Variants in SLC25A18 observed in about 807,000 individuals in gnomAD.
SLC25A18 encodes mitochondrial glutamate carrier 2.
Under a neutral mutation model 31.1 loss-of-function variants are expected in SLC25A18, and 24 were observed. The ratio of observed to expected loss-of-function variants is 0.77; its 90% confidence interval spans 0.56 to 1.08. The LOEUF (loss-of-function observed/expected upper bound fraction) is 1.08. Among genes scored for constraint, SLC25A18 ranks in the 50% least tolerant of loss-of-function variants. SLC25A18 has a pLI of 0.00. For missense variants in SLC25A18, 371 were observed against 418.5 expected (o/e 0.89, Z 0.99); for synonymous variants, 173 against 161.9 (o/e 1.07, Z -0.52).
In SLC25A18 at chr22:17,581,196, C is replaced by G. The variant is rs769103848; in HGVS notation, c.143+37C>G. ...CAGGCGAGCGTGGAGGGCAGAGGCGCCCGGGGGAGGGATGGGGCCCCCTTC... is the reference window on the plus strand; with the variant it reads ...CAGGCGAGCGTGGAGGGCAGAGGCGGCCGGGGGAGGGATGGGGCCCCCTTC... On this transcript the variant is annotated intron_variant, in intron 4 of 10. Transcript: ENST00000327451. The G allele has an allele frequency of 5.1e-6, 8 of 1,571,936 alleles. No individual in the cohort carries two copies. In the Admixed American group the frequency reaches 9.0e-5, roughly 18 times the overall value.
chr22:17,573,667 C>G (rs1024645501), intron 2 of SLC25A18, among the ~76,000 whole-genome samples: 1 of 152,138 alleles, frequency 6.6e-6, no homozygotes. Context: ...TCCTTCCCTG[C>G]AGGCAGCTTC....
chr22:17,583,675 G>C lies in SLC25A18; in HGVS notation c.409+141G>C. ...GTAGAAGTTTTTGGCCAGGCATGGT[G>C]GCTCATGCCTGTAATCCCAGCACTT... On this transcript the variant is annotated intron_variant, in intron 7 of 10. Coordinates refer to ENST00000327451, the MANE Select transcript of SLC25A18 (RefSeq NM_031481.3). 1.3e-5 allele frequency: 15 copies of C among 1,151,686 alleles called. No individual in the cohort carries two copies. The South Asian group carries it at 2.3e-4, about 18-fold the overall frequency. 71.3% of individuals were successfully genotyped at this position (1,151,686 alleles called of 1,614,324 possible).
In SLC25A18 at chr22:17,581,411, G is replaced by C; in HGVS notation, c.197G>C (p.Arg66Pro). The C allele has an allele frequency of 6.2e-7, 1 of 1,614,044 alleles. No individual in the cohort carries two copies. The highest frequency in any genetic ancestry group is 8.5e-7 in the Non-Finnish European group (1 of 1,179,994). ...GCGGAGGGCTTCTTCGGCATGTACC[G>C]AGGTGGGCTTCTCAGGTCCCCTGGG... ...ARAEGFFGMYRGAAVNLTLVT... is the reference protein window; with the variant it reads ...ARAEGFFGMYPGAAVNLTLVT... The change falls in exon 5 of 11, where the codon CGA (arginine) becomes CCA (proline). Residue 66 changes from arginine (R) to proline (P), a missense_variant and splice_region_variant. Physicochemically the swap from Arg to Pro is moderately radical, Grantham distance 103. Coordinates refer to ENST00000327451, the MANE Select transcript of SLC25A18 (RefSeq NM_031481.3).
chr22:17,570,775 C>T (rs554394956), intron 2 of SLC25A18, among the ~76,000 whole-genome samples: 3 of 152,256 alleles, frequency 2.0e-5, no homozygotes, highest in Non-Finnish European at 2.9e-5. Flanking sequence ...CGTGAGCCAC[C>T]GTGCCCAGCC....
chr22:17,583,345 C>T (rs1816575742), intron 6 of SLC25A18, 71 bp from the exon 7 acceptor site: 1 of 1,586,670 alleles, frequency 6.3e-7, no homozygotes, highest in Non-Finnish European at 8.6e-7. Flanking sequence ...GTCCCCCTCT[C>T]ACAAGAGGGC....
intron 1 of SLC25A18, among the ~76,000 whole-genome samples, chr22:17,564,589 C>T (rs139827635): frequency 8.7e-4 from 132 of 152,098 alleles, no homozygotes; most frequent in African/African-American, 2.6e-3. Context: ...GGCTGGGGCG[C>T]GGTGGCTCAC....
chr22:17,581,616 C>G, intron 5 of SLC25A18: 1 of 580,276 alleles, frequency 1.7e-6, no homozygotes, highest in Non-Finnish European at 3.0e-6. Flanking sequence ...GCACACCCCC[C>G]GCCACCGCCT....
Position 17,579,935 on chromosome 22 carries a change from C to T in SLC25A18, c.-10C>T. 1 of 1,609,860 alleles carries T rather than the reference C, an allele frequency of 6.2e-7. No homozygotes were observed. The highest frequency in any genetic ancestry group is 8.5e-7 in the Non-Finnish European group (1 of 1,178,624). On this transcript the variant is annotated 5_prime_UTR_variant, in exon 3 of 11. Coordinates refer to ENST00000327451, the MANE Select transcript of SLC25A18 (RefSeq NM_031481.3). ...CAGCCTTGTGTCCTGGGATCCCCAG[C>T]CCCTGCAGAATGACCCACCAGGATC...
chr22:17,567,048 G>T (rs2056955581), intron 1 of SLC25A18, among the ~76,000 whole-genome samples: 1 of 152,206 alleles, frequency 6.6e-6, no homozygotes, highest in Non-Finnish European at 1.5e-5. Context: ...TGTAATCGCA[G>T]CTACTTGGGA....
intron 9 of SLC25A18, 75 bp from the exon 10 acceptor site, chr22:17,589,515 C>A: frequency 7.3e-7 from 1 of 1,374,152 alleles, no homozygotes; most frequent in East Asian, 2.4e-5. Context: ...ACAGGAGGGC[C>A]CAGCCCCTTA....
At position 17,581,026 on chromosome 22, in the gene SLC25A18, C is replaced by T; in HGVS notation, c.21-11C>T. 1 of 1,543,598 alleles carries T rather than the reference C, an allele frequency of 6.5e-7. No individual in the cohort carries two copies. Among genetic ancestry groups the T allele is most frequent in the Non-Finnish European group, 8.8e-7 (1 of 1,142,312 alleles). On this transcript the variant is annotated splice_polypyrimidine_tract_variant and intron_variant, in intron 3 of 10. Transcript: ENST00000327451. The stretch of plus-strand genomic sequence containing the variant: ...TGCCTCTCTCCTCCCCCTGTCCTCC[C>T]CCTGTCCTAGCATCACAGCCAAACT...
chr22:17,587,854 C>T lies in SLC25A18; in HGVS notation c.576-71C>T, dbSNP rs114980848. On this transcript the variant is annotated intron_variant, in intron 8 of 10. Transcript: ENST00000327451. ...GTAAGCCCCACAGCTCACAGCAAAGCTCATTGTCTCACCTTGGGTGGCAGC... is the reference window on the plus strand; with the variant it reads ...GTAAGCCCCACAGCTCACAGCAAAGTTCATTGTCTCACCTTGGGTGGCAGC... 383 of 1,596,340 alleles carry T rather than the reference C, an allele frequency of 2.4e-4. 2 individuals are homozygous for T. In the African/African-American group the frequency reaches 4.7e-3, roughly 19 times the overall value.
intron 7 of SLC25A18, among the ~76,000 whole-genome samples, 175 bp downstream of exon 7, chr22:17,583,709 C>A (rs1266307316): frequency 6.6e-6 from 1 of 151,914 alleles, no homozygotes; most frequent in Non-Finnish European, 1.5e-5. Flanking sequence ...TTTGGGAGGC[C>A]GAGGCAGGTG....
At chr22:17,580,221 T>C (rs1003494) in intron 3 of SLC25A18, 31,849 of 413,480 alleles carry the variant, frequency 0.077, 1,655 homozygotes, top group African/African-American at 0.17. Context: ...AAGTTTACAG[T>C]TCTCTTTATC....
chr22:17,589,370 G>A (rs1378147935), intron 9 of SLC25A18, among the ~76,000 whole-genome samples: 1 of 151,906 alleles, frequency 6.6e-6, no homozygotes, highest in Non-Finnish European at 1.5e-5. Flanking sequence ...TAGAGATGGG[G>A]TTTCACTATG....
chr22:17,571,268 G>A (rs1320013183), intron 2 of SLC25A18, among the ~76,000 whole-genome samples: 1 of 152,192 alleles, frequency 6.6e-6, no homozygotes, highest in African/African-American at 2.4e-5. Context: ...GGGACAATCT[G>A]TGGTGATCTA....
chr22:17,590,130 T>G lies in SLC25A18; in HGVS notation c.842T>G (p.Met281Arg). 1 of 1,614,252 alleles carries G rather than the reference T, an allele frequency of 6.2e-7. No individual in the cohort carries two copies. The highest frequency in any genetic ancestry group is 1.7e-5 in the Admixed American group (1 of 60,026). ...ATTCAGGAGGGACCATCTGCCTTCA[T>G]GAAAGGCGCTGGCTGCCGGGCACTG... ...LWIQEGPSAF[M>R]KGAGCRALVI... The change falls in exon 11 of 11, where the codon ATG (methionine) becomes AGG (arginine). Residue 281 changes from methionine (M) to arginine (R), a missense_variant. Transcript: ENST00000327451.
At chr22:17,564,854 C>T (rs940760614) in intron 1 of SLC25A18, among the ~76,000 whole-genome samples, 1 of 41,532 alleles carries the variant, frequency 2.4e-5, no homozygotes, top group Non-Finnish European at 5.9e-5. Context: ...AAGACTCTGT[C>T]TCCAAAAAAA....
At chr22:17,587,431 T>C (rs2057582458) in intron 8 of SLC25A18, 130 bp downstream of exon 8, 3 of 1,224,264 alleles carry the variant, frequency 2.5e-6, no homozygotes, top group Non-Finnish European at 3.3e-6. Flanking sequence ...ACGATTTCCA[T>C]GCTTCCTGTT....
Sources: allele counts gnomAD v4.1 joint callset (sites outside exome capture counted in the v4.1 genomes callset), GRCh38; gene constraint gnomAD v4.1.1; transcripts MANE v1.5; gene names NCBI Gene and HGNC (gene_info 2026-07-23, HGNC 2026-07-21).